ZZEF1: variants seen among roughly 807,000 people sequenced by gnomAD.
ZZEF1 encodes zinc finger ZZ-type and EF-hand domain-containing protein 1.
Under a neutral mutation model 342.8 loss-of-function variants are expected in ZZEF1, and 157 were observed. The ratio of observed to expected loss-of-function variants is 0.46; its 90% CI spans 0.40 to 0.52. The LOEUF is 0.52. Among genes scored for constraint, ZZEF1 ranks in the 20% least tolerant of loss-of-function variants. The pLI, the probability that ZZEF1 is intolerant of heterozygous loss-of-function variation, is 0.00. For missense variants in ZZEF1, 3,480 were observed against 3,725.6 expected (o/e 0.93, Z 1.72); for synonymous variants, 1,505 against 1,429.1 (o/e 1.05, Z -1.20).
Position 4,076,695 on chromosome 17 carries a change from C to G in ZZEF1, c.3176G>C (p.Ser1059Thr). Residue 1059 changes from serine (S) to threonine (T), a missense_variant, in exon 21 of 55, where the codon AGC becomes ACC. This residue lies in a region of ZZEF1 where 1,528 missense variants were observed against 1,624.1 expected (regional missense o/e 0.94). Coordinates refer to ENST00000381638, the MANE Select transcript of ZZEF1 (RefSeq NM_015113.4). Reference protein sequence around the residue: ...IPHCVLLREFSVLTELLKKLC... With the variant: ...IPHCVLLREFTVLTELLKKLC... ...CTTCTTCAGGAGTTCTGTGAGGACG[C>G]TGAACTCTCTCAAGAGCACGCAGTG... is the stretch of plus-strand genomic sequence containing the variant. The G allele has an allele frequency of 6.2e-7, 1 of 1,613,362 alleles. No homozygotes were observed. The highest frequency in any genetic ancestry group is 2.2e-5 in the East Asian group (1 of 44,834).
Position 4,017,383 on chromosome 17 carries a change from A to G in ZZEF1, c.7989T>C (p.His2663=). The change falls in exon 48 of 55, where the codon CAT becomes CAC. Residue 2663 remains histidine (H), a synonymous_variant. Coordinates refer to ENST00000381638, the MANE Select transcript of ZZEF1 (RefSeq NM_015113.4). This position sits in a 1 kb window ranked among gnomAD's most constrained non-coding sequence, Gnocchi z 5.1. ...LDMFMQLEEK[H]EWEKILQKVL... is the part of the protein sequence containing the mutation. ...TCTGCATAACTACCTTCTCCCACTC[A>G]TGCTTTTCTTCCAGCTGCATGAACA... The G allele has an allele frequency of 6.3e-7, 1 of 1,597,444 alleles. No individual in the cohort carries two copies. Among genetic ancestry groups the G allele is most frequent in the Non-Finnish European group, 8.6e-7 (1 of 1,168,256 alleles).
At chr17:4,012,031 G>A (rs1414114608) in intron 52 of ZZEF1, among the ~76,000 whole-genome samples, 1 of 152,262 alleles carries the variant, frequency 6.6e-6, no homozygotes, top group East Asian at 1.9e-4. Flanking sequence ...CCGGGCTCGG[G>A]ACAGAGGGTG....
intron 11 of ZZEF1, among the ~76,000 whole-genome samples, 194 bp from the exon 12 acceptor site, chr17:4,091,024 CCTT>C (rs2057933846): frequency 6.6e-6 from 1 of 152,212 alleles, no homozygotes; most frequent in South Asian, 2.1e-4. Context: ...TGCTCAGTCT[CCTT>C]CTCTATGAAC....
Position 4,014,970 on chromosome 17 carries a change from A to G in ZZEF1, c.8146-455T>C, listed in dbSNP as rs569490290. On this transcript the variant is annotated intron_variant, in intron 49 of 54. Transcript: ENST00000381638. This position sits in a 1 kb window ranked among gnomAD's most constrained non-coding sequence, Gnocchi z 4.4. ...GAAGCAGGAACAGGGACAAGACCTG[A>G]CTCCAGAGAGACTGGCAGGGGCAGA... Among the ~76,000 whole-genome samples the G allele has an allele frequency of 2.6e-4, 39 of 152,148 alleles. No homozygotes were observed. The highest frequency in any genetic ancestry group is 8.4e-4 in the African/African-American group (35 of 41,506).
intron 5 of ZZEF1, among the ~76,000 whole-genome samples, chr17:4,111,134 T>C (rs2145481658): frequency 6.6e-6 from 1 of 152,336 alleles, no homozygotes; most frequent in South Asian, 2.1e-4. Flanking sequence ...TATAGATTTA[T>C]GTGAACAGAT....
chr17:4,102,521 C>A, intron 8 of ZZEF1, 106 bp from the exon 9 acceptor site: 1 of 900,088 alleles, frequency 1.1e-6, no homozygotes, highest in Non-Finnish European at 1.8e-6. Flanking sequence ...AGACTGCTAA[C>A]TAAAAATCTC....
At chr17:4,105,557 C>G in intron 7 of ZZEF1, 136 bp downstream of exon 7, 1 of 692,544 alleles carries the variant, frequency 1.4e-6, no homozygotes, top group Non-Finnish European at 2.5e-6. Context: ...TATTATGTCA[C>G]TTTCTCTTTA....
intron 26 of ZZEF1, among the ~76,000 whole-genome samples, chr17:4,069,886 G>T (rs536583570): frequency 6.6e-6 from 1 of 152,296 alleles, no homozygotes; most frequent in South Asian, 2.1e-4. Flanking sequence ...CACTCTAGTG[G>T]AAGGAAGCTC....
At chr17:4,057,896 A>T in intron 32 of ZZEF1, 98 bp downstream of exon 32, 1 of 1,254,184 alleles carries the variant, frequency 8.0e-7, no homozygotes, top group South Asian at 1.5e-5. Flanking sequence ...TGACACAGAC[A>T]GTCTAGCTCC....
intron 23 of ZZEF1, 100 bp from the exon 24 acceptor site, chr17:4,074,451 G>A: frequency 8.0e-7 from 1 of 1,257,098 alleles, no homozygotes; most frequent in South Asian, 1.3e-5. Flanking sequence ...GTTTAAAATT[G>A]ATCTCTATTT....
intron 52 of ZZEF1, 41 bp from the exon 53 acceptor site, chr17:4,009,798 C>A (rs2055899146): frequency 1.2e-6 from 2 of 1,601,522 alleles, no homozygotes; most frequent in African/African-American, 1.3e-5. Flanking sequence ...TACTGAGAGC[C>A]ATGCCAAGGT....
intron 16 of ZZEF1, among the ~76,000 whole-genome samples, chr17:4,082,709 C>T (rs2057746990): frequency 6.6e-6 from 1 of 152,290 alleles, no homozygotes; most frequent in African/African-American, 2.4e-5. Flanking sequence ...GTGGTAGGTG[C>T]ACTTGGTTCA....
At chr17:4,080,309 A>G (rs2057697650) in intron 18 of ZZEF1, among the ~76,000 whole-genome samples, 1 of 152,164 alleles carries the variant, frequency 6.6e-6, no homozygotes. Flanking sequence ...CGAAATTGCT[A>G]AGAAATCTGA....
intron 26 of ZZEF1, among the ~76,000 whole-genome samples, chr17:4,069,170 C>G (rs2145261549): frequency 6.6e-6 from 1 of 152,298 alleles, no homozygotes; most frequent in East Asian, 1.9e-4. Flanking sequence ...CAGCAGGAAG[C>G]CTTCCATTTC....
At position 4,142,679 on chromosome 17, in the gene ZZEF1, C is replaced by G; in HGVS notation, c.217G>C (p.Val73Leu). The change falls in exon 1 of 55, where the codon GTG becomes CTG. Residue 73 changes from valine (V) to leucine (L), a missense_variant. By Grantham distance (32) the Val-to-Leu change is conservative. Transcript: ENST00000381638. ...AACAACGCGCCGCGATGCCTCGACA[C>G]CAGCGACTCGCAGGGGGGTGTGGGC... is the stretch of plus-strand genomic sequence containing the variant. ...LLPTPPCESL[V>L]SRHRGALFRW... 6.2e-7 allele frequency: 1 copy of G among 1,607,116 alleles called. No individual in the cohort carries two copies. The highest frequency in any genetic ancestry group is 8.5e-7 in the Non-Finnish European group (1 of 1,179,546).
chr17:4,023,916 CT>C (rs1282709717), intron 43 of ZZEF1, among the ~76,000 whole-genome samples: 1 of 152,174 alleles, frequency 6.6e-6, no homozygotes, highest in Non-Finnish European at 1.5e-5. Flanking sequence ...AATTCTACAA[CT>C]ACAAACTCCC....
In ZZEF1 at chr17:4,088,691, A is replaced by C; in HGVS notation, c.2228T>G (p.Leu743Arg). The change falls in exon 13 of 55, where the codon CTC becomes CGC. Residue 743 changes from leucine to arginine, a missense_variant. Leu to Arg is a moderately radical substitution (Grantham distance 102). Coordinates refer to ENST00000381638, the MANE Select transcript of ZZEF1 (RefSeq NM_015113.4). ...LLRTLQFIQQ[L>R]AHDLVQQKES... is the part of the protein sequence containing the mutation. The stretch of plus-strand genomic sequence containing the variant: ...AGGAAGCCCTACCAGGTCATGGGCG[A>C]GCTGCTGGATAAACTGAAGGGTCCT... The C allele has an allele frequency of 6.2e-7, 1 of 1,613,866 alleles. No individual in the cohort carries two copies. The highest frequency in any genetic ancestry group is 8.5e-7 in the Non-Finnish European group (1 of 1,180,020).
rs186085216 is a variant in ZZEF1 at position 4,038,965 on chromosome 17, T to C, written c.6306+3464A>G. Among the ~76,000 whole-genome samples the C allele has an allele frequency of 1.5e-3, 223 of 152,290 alleles. 2 individuals carry two copies. The highest frequency in any genetic ancestry group is 0.014 in the Admixed American group (207 of 15,284). ...TACTGGGTTGTAAGAGTTCTTTATA[T>C]ATTCCTTATAGGACTCTATCTAGGC... is the stretch of plus-strand genomic sequence containing the variant. On this transcript the variant is annotated intron_variant, in intron 39 of 54. Transcript: ENST00000381638.
intron 27 of ZZEF1, 65 bp from the exon 28 acceptor site, chr17:4,066,605 A>C (rs1707903415): frequency 7.1e-7 from 1 of 1,408,164 alleles, no homozygotes; most frequent in Admixed American, 1.7e-5. Context: ...AGCCATGGCA[A>C]ACTACTTCAA....
Sources: allele counts gnomAD v4.1 joint callset (sites outside exome capture counted in the v4.1 genomes callset), GRCh38; gene constraint gnomAD v4.1.1; regional missense constraint gnomAD v4.1.1; non-coding constraint Gnocchi (gnomAD v3.1); transcripts MANE v1.5; gene names NCBI Gene and HGNC (gene_info 2026-07-23, HGNC 2026-07-21).